Variants in MSI2 observed in about 807,000 individuals in gnomAD.
The protein encoded by MSI2 is musashi RNA binding protein 2.
MSI2 carries 17 observed loss-of-function variants against 45.6 expected under a neutral mutation model. The ratio of observed to expected loss-of-function variants is 0.37; its 90% CI spans 0.26 to 0.56. MSI2 has a LOEUF of 0.56. Ranked by LOEUF, MSI2 falls within the 20% of genes least tolerant of loss-of-function variation. MSI2 has a pLI of 0.77. For missense variants in MSI2, 293 were observed against 444.2 expected (o/e 0.66, Z 3.06); for synonymous variants, 156 against 158.2 (o/e 0.99, Z 0.11).
chr17:57,443,420 T>C (rs1356599578), intron 6 of MSI2, among the ~76,000 whole-genome samples: 3 of 152,078 alleles, frequency 2.0e-5, no homozygotes, highest in Non-Finnish European at 4.4e-5. Context: ...AGGAACTGCC[T>C]CTCCTCGGCT....
chr17:57,698,547 C>G, the MSI2 span, among the ~76,000 whole-genome samples: 2 of 152,184 alleles, frequency 1.3e-5, no homozygotes, highest in African/African-American at 2.4e-5. Context: ...CTGTCTTGCT[C>G]TGAATATCCC....
chr17:57,310,358 G>C (rs1217425304), intron 5 of MSI2, among the ~76,000 whole-genome samples: 1 of 151,462 alleles, frequency 6.6e-6, no homozygotes, highest in Non-Finnish European at 1.5e-5. Flanking sequence ...TTCCGAGTTG[G>C]AATCTCACTC....
intron 10 of MSI2, among the ~76,000 whole-genome samples, chr17:57,645,008 G>T (rs1235085871): frequency 6.6e-6 from 1 of 152,132 alleles, no homozygotes; most frequent in African/African-American, 2.4e-5. Flanking sequence ...AGGAGGCAAA[G>T]AAAAGGGTTC....
intron 9 of MSI2, among the ~76,000 whole-genome samples, chr17:57,616,820 G>A (rs1019542381): frequency 2.6e-5 from 4 of 152,184 alleles, no homozygotes; most frequent in African/African-American, 7.2e-5. Context: ...GTGGAGATGC[G>A]TAATGGTGTA....
chr17:57,396,030 G>A (rs2083882199), intron 5 of MSI2, among the ~76,000 whole-genome samples: 1 of 152,210 alleles, frequency 6.6e-6, no homozygotes, highest in Non-Finnish European at 1.5e-5. Flanking sequence ...TCCCACAGAT[G>A]AGGCATCATC....
At chr17:57,548,861 C>T (rs1469707767) in intron 7 of MSI2, among the ~76,000 whole-genome samples, 1 of 151,536 alleles carries the variant, frequency 6.6e-6, no homozygotes, top group Admixed American at 6.6e-5. Context: ...TGTGTGTTCA[C>T]CTCTTCACCC....
At chr17:57,307,745 A>G (rs1912039288) in intron 5 of MSI2, among the ~76,000 whole-genome samples, 1 of 152,216 alleles carries the variant, frequency 6.6e-6, no homozygotes, top group Non-Finnish European at 1.5e-5. Context: ...GGCCTGCCCT[A>G]GGATTTTCAG....
chr17:57,462,244 A>G (rs2085244857), intron 6 of MSI2, among the ~76,000 whole-genome samples: 1 of 152,104 alleles, frequency 6.6e-6, no homozygotes, highest in Admixed American at 6.5e-5. Flanking sequence ...GTCACATTGG[A>G]TTAGGGTTCT....
chr17:57,411,762 A>G (rs1300011870), intron 6 of MSI2, among the ~76,000 whole-genome samples: 1 of 152,066 alleles, frequency 6.6e-6, no homozygotes, highest in Non-Finnish European at 1.5e-5. Flanking sequence ...TAATCCCAGC[A>G]CTTTGGGAGG....
chr17:57,415,343 A>G (rs9898307), intron 6 of MSI2, among the ~76,000 whole-genome samples: 22,618 of 152,044 alleles, frequency 0.15, 2,085 homozygotes, highest in East Asian at 0.27. Flanking sequence ...CGAATTTGCC[A>G]TTGGCATTTA....
At chr17:57,357,578 G>A (rs902060274) in intron 5 of MSI2, among the ~76,000 whole-genome samples, 3 of 152,128 alleles carry the variant, frequency 2.0e-5, no homozygotes, top group East Asian at 3.9e-4. Flanking sequence ...TGCATAGGCC[G>A]CTGCTGCTTA....
At chr17:57,308,135 T>C (rs1534308) in intron 5 of MSI2, among the ~76,000 whole-genome samples, 101,053 of 152,076 alleles carry the variant, frequency 0.66, 36,325 homozygotes, top group Middle Eastern at 0.82. Flanking sequence ...AAGTTCCTTA[T>C]TTGTCACAGA....
chr17:57,564,642 AG>A (rs1222144356), intron 7 of MSI2, among the ~76,000 whole-genome samples: 2 of 152,144 alleles, frequency 1.3e-5, no homozygotes, highest in East Asian at 3.9e-4. Context: ...GCATTTATGG[AG>A]CTTGCAGCCT....
At chr17:57,298,101 G>T (rs1441141099) in intron 5 of MSI2, among the ~76,000 whole-genome samples, 2 of 151,518 alleles carry the variant, frequency 1.3e-5, no homozygotes, top group African/African-American at 4.9e-5. Context: ...CTAGAGTGGT[G>T]AATGCTTTCC....
intron 5 of MSI2, among the ~76,000 whole-genome samples, chr17:57,312,676 A>G (rs1049559706): frequency 6.6e-5 from 10 of 152,186 alleles, no homozygotes; most frequent in African/African-American, 2.4e-4. Flanking sequence ...GGAAGCCACC[A>G]TAACTTTTAA....
intron 5 of MSI2, among the ~76,000 whole-genome samples, chr17:57,377,939 G>C (rs926885223): frequency 6.6e-6 from 1 of 152,082 alleles, no homozygotes; most frequent in Non-Finnish European, 1.5e-5. Context: ...GCCAGGCGTG[G>C]TGGTGTGCAC....
chr17:57,466,890 A>G (rs1402810998), intron 6 of MSI2, among the ~76,000 whole-genome samples: 1 of 152,184 alleles, frequency 6.6e-6, no homozygotes, highest in Non-Finnish European at 1.5e-5. Flanking sequence ...GGTCTGTTTC[A>G]TTCATCTCAG....
intron 6 of MSI2, among the ~76,000 whole-genome samples, chr17:57,413,089 C>G (rs2084226433): frequency 6.6e-6 from 1 of 152,340 alleles, no homozygotes; most frequent in African/African-American, 2.4e-5. Context: ...CTCAGGTCCT[C>G]TGAGACTCTG....
In MSI2 at chr17:57,681,008, T is replaced by TA. The variant is rs540614781; in HGVS notation, c.*1491_*1492insA. On this transcript the variant is annotated 3_prime_UTR_variant, in exon 14 of 14. Coordinates refer to ENST00000284073, the MANE Select transcript of MSI2 (RefSeq NM_138962.4). ...AAAGCAACCTTTTGGTTTATATATATTTTTTTTAATACCTCAGTGCTGCAA... is the reference window on the plus strand; with the variant it reads ...AAAGCAACCTTTTGGTTTATATATATATTTTTTTAATACCTCAGTGCTGCAA... 0.011 allele frequency: 1,938 copies of TA among 183,832 alleles called. 14 individuals are homozygous for TA. The highest frequency in any genetic ancestry group is 0.016 in the Non-Finnish European group (1,411 of 86,702). 11.4% of individuals were successfully genotyped at this position (183,832 alleles called of 1,614,324 possible).
Sources: allele counts gnomAD v4.1 joint callset (sites outside exome capture counted in the v4.1 genomes callset), GRCh38; gene constraint gnomAD v4.1.1; transcripts MANE v1.5; gene names NCBI Gene and HGNC (gene_info 2026-07-23, HGNC 2026-07-21).